Variants in ATP6V0A4 observed in about 807,000 individuals in gnomAD.
ATP6V0A4 encodes the protein ATPase H+ transporting V0 subunit a4, also known as V-type proton ATPase 116 kDa subunit a 4.
ATP6V0A4 carries 86 observed loss-of-function variants against 107.3 expected under a neutral mutation model. The ratio of observed to expected loss-of-function variants is 0.80; its 90% confidence interval spans 0.67 to 0.96. The LOEUF (loss-of-function observed/expected upper bound fraction) is 0.96. Ranked by LOEUF, ATP6V0A4 falls within the 40% of genes least tolerant of loss-of-function variation. ATP6V0A4 has a pLI of 0.00. For synonymous variants in ATP6V0A4, 353 were observed against 381.4 expected (o/e 0.93, Z 0.87); for missense variants, 908 against 1,045.6 (o/e 0.87, Z 1.81).
chr7:138,762,921 C>T lies in ATP6V0A4; in HGVS notation c.396G>A (p.Lys132=). The T allele has an allele frequency of 1.2e-6, 2 of 1,614,116 alleles. No individual in the cohort carries two copies. The highest frequency in any genetic ancestry group is 2.2e-5 in the East Asian group (1 of 44,882). The change falls in exon 6 of 22, where the codon AAG becomes AAA. Residue 132 remains lysine, a synonymous_variant. Transcript: ENST00000310018. ...CCACCTCAAAGAAGTCTTGGGTTTT[C>T]TTCAGGAGGTATTTCAGTTCTGTCA... ...LELTELKYLL[K]KTQDFFETET...
chr7:138,777,206 C>G (rs1807699968), intron 2 of ATP6V0A4, among the ~76,000 whole-genome samples: 1 of 151,960 alleles, frequency 6.6e-6, no homozygotes, highest in Non-Finnish European at 1.5e-5. Flanking sequence ...AGGCAGGGGC[C>G]AAGCCATGCC....
chr7:138,741,541 G>A (rs1403062873), intron 14 of ATP6V0A4, among the ~76,000 whole-genome samples: 2 of 152,136 alleles, frequency 1.3e-5, no homozygotes, highest in Non-Finnish European at 2.9e-5. Context: ...ATCAGGCAAG[G>A]CCACCTGGCG....
chr7:138,756,895 G>A (rs1231243276), intron 8 of ATP6V0A4, among the ~76,000 whole-genome samples: 1 of 152,232 alleles, frequency 6.6e-6, no homozygotes, highest in Non-Finnish European at 1.5e-5. Flanking sequence ...ACAGCTGGCT[G>A]ATAAACTGGC....
intron 2 of ATP6V0A4, among the ~76,000 whole-genome samples, chr7:138,776,690 G>C (rs1308439734): frequency 1.3e-5 from 2 of 152,178 alleles, no homozygotes; most frequent in Non-Finnish European, 2.9e-5. Context: ...GGAACATGTG[G>C]AGAAAAGAGT....
intron 18 of ATP6V0A4, among the ~76,000 whole-genome samples, chr7:138,727,033 G>A (rs901422492): frequency 8.3e-5 from 12 of 144,362 alleles, no homozygotes; most frequent in Admixed American, 2.2e-4. Flanking sequence ...GACAGATTTA[G>A]TTCCTAGAAA....
chr7:138,779,243 A>T lies in ATP6V0A4; in HGVS notation c.-18+6915T>A, dbSNP rs1398324442. ...GTGCCTGTGATCCCAGCTACTTGGG[A>T]GGCCGACTTGGGAGGATGACCTGAG... On this transcript the variant is annotated intron_variant, in intron 2 of 21. Coordinates refer to ENST00000310018, the MANE Select transcript of ATP6V0A4 (RefSeq NM_020632.3). Among the ~76,000 whole-genome samples, 3 of 151,986 alleles carry T rather than the reference A, an allele frequency of 2.0e-5. No individual in the cohort carries two copies. In the East Asian group the frequency reaches 5.8e-4, roughly 29 times the overall value.
Position 138,721,267 on chromosome 7 carries a change from G to A in ATP6V0A4, c.2139+630C>T, listed in dbSNP as rs577661602. ...AAAGAGATCATAGGGGGCCAGGCAC[G>A]GTGGCTCATGCCTGTAATCCCAGCA... is the stretch of plus-strand genomic sequence containing the variant. On this transcript the variant is annotated intron_variant, in intron 19 of 21. Coordinates refer to ENST00000310018, the MANE Select transcript of ATP6V0A4 (RefSeq NM_020632.3). Among the ~76,000 whole-genome samples the A allele has an allele frequency of 4.6e-5, 7 of 152,204 alleles. No homozygotes were observed. In the South Asian group the frequency reaches 1.2e-3, roughly 27 times the overall value.
chr7:138,745,320 T>A lies in ATP6V0A4; in HGVS notation c.1321-40A>T, dbSNP rs527456718. ...ACAGAGAGGATGATTGTCAGTGGGC[T>A]CTGAAGCAGACCCCAGAGGGAAGCG... On this transcript the variant is annotated intron_variant, in intron 13 of 21. Coordinates refer to ENST00000310018, the MANE Select transcript of ATP6V0A4 (RefSeq NM_020632.3). 1.6e-4 allele frequency: 252 copies of A among 1,612,848 alleles called. 2 individuals carry two copies. The South Asian group carries it at 2.7e-3, about 17-fold the overall frequency.
intron 14 of ATP6V0A4, among the ~76,000 whole-genome samples, chr7:138,740,193 G>T (rs1031454031): frequency 2.0e-5 from 3 of 152,010 alleles, no homozygotes; most frequent in Admixed American, 1.3e-4. Context: ...TCAGAAATGA[G>T]GTAGAAAGCA....
chr7:138,756,095 T>G (rs1806499408), intron 9 of ATP6V0A4: 2 of 516,398 alleles, frequency 3.9e-6, no homozygotes, highest in Non-Finnish European at 6.9e-6. Context: ...TGTATTAATA[T>G]CCTCTGCACT....
intron 19 of ATP6V0A4, among the ~76,000 whole-genome samples, chr7:138,718,043 A>AAGGGGGGGG (rs71169047): frequency 3.6e-5 from 3 of 84,296 alleles, no homozygotes; most frequent in Non-Finnish European, 5.0e-5. Context: ...TCCAGGAAGG[A>AAGGGGGGGG]GTGGGGGGGT....
intron 16 of ATP6V0A4, 56 bp from the exon 17 acceptor site, chr7:138,733,149 C>G (rs1805113853): frequency 4.4e-6 from 7 of 1,606,662 alleles, no homozygotes; most frequent in Non-Finnish European, 5.9e-6. Flanking sequence ...AACGTTAGGA[C>G]TTAATTATTC....
chr7:138,706,812 C>A, intron 21 of ATP6V0A4, 95 bp from the exon 22 acceptor site: 6 of 1,547,158 alleles, frequency 3.9e-6, no homozygotes, highest in South Asian at 1.1e-5. Context: ...GCAGAGCGTT[C>A]GTAAAATCAA....
Position 138,768,756 on chromosome 7 carries a change from A to T in ATP6V0A4, c.291+24T>A, listed in dbSNP as rs771019729. 69 of 1,613,378 alleles carry T rather than the reference A, an allele frequency of 4.3e-5. No individual in the cohort carries two copies. In the South Asian group the frequency reaches 7.4e-4, roughly 17 times the overall value. On this transcript the variant is annotated intron_variant, in intron 5 of 21. Coordinates refer to ENST00000310018, the MANE Select transcript of ATP6V0A4 (RefSeq NM_020632.3). ...GCTTCATGACTGTCCTTACCTGGGG[A>T]GGCCAGCAAAGTGGAGAACTTACCT...
chr7:138,707,350 A>AATATATATTATAATATATATATATTTAT (rs1803488658), intron 21 of ATP6V0A4, among the ~76,000 whole-genome samples: 1 of 90,394 alleles, frequency 1.1e-5, no homozygotes, highest in Non-Finnish European at 2.0e-5. Context: ...TATATATTAT[A>AATATATATTATAATATATATATATTTAT]ATATATATTA....
chr7:138,764,473 A>G (rs1806990096), intron 5 of ATP6V0A4, among the ~76,000 whole-genome samples: 2 of 152,236 alleles, frequency 1.3e-5, no homozygotes, highest in Admixed American at 1.3e-4. Context: ...TATCAGGGAA[A>G]AAAAGGACAT....
chr7:138,796,982 T>C (rs1808699318), intron 1 of ATP6V0A4, among the ~76,000 whole-genome samples: 1 of 152,148 alleles, frequency 6.6e-6, no homozygotes, highest in South Asian at 2.1e-4. Flanking sequence ...TGTTTCAAAT[T>C]CCTCTACCAG....
In ATP6V0A4 at chr7:138,798,039, G is replaced by C; in HGVS notation, c.-126C>G. On this transcript the variant is annotated 5_prime_UTR_variant, in exon 1 of 22. Coordinates refer to ENST00000310018, the MANE Select transcript of ATP6V0A4 (RefSeq NM_020632.3). The stretch of plus-strand genomic sequence containing the variant: ...GCAGGTGGGAGTCGACTCACCTGCA[G>C]CAGGCACTCGGCACAACTCCGCAGG... 1 of 1,555,392 alleles carries C rather than the reference G, an allele frequency of 6.4e-7. No homozygotes were observed. The highest frequency in any genetic ancestry group is 8.7e-7 in the Non-Finnish European group (1 of 1,149,426).
chr7:138,788,685 T>C (rs1808269114), intron 1 of ATP6V0A4, among the ~76,000 whole-genome samples: 1 of 152,192 alleles, frequency 6.6e-6, no homozygotes, highest in African/African-American at 2.4e-5. Context: ...TTCCCACTTG[T>C]TGTGGGAGGG....
Sources: allele counts gnomAD v4.1 joint callset (sites outside exome capture counted in the v4.1 genomes callset), GRCh38; gene constraint gnomAD v4.1.1; transcripts MANE v1.5; gene names NCBI Gene and HGNC (gene_info 2026-07-23, HGNC 2026-07-21).